The following ZNF93 variants were observed in gnomAD, a reference collection of about 807,000 sequenced individuals.
ZNF93 encodes the protein zinc finger protein 93.
A neutral mutation model predicts 45.0 loss-of-function variants in ZNF93; 29 were observed. The observed-to-expected ratio is 0.64, with a 90% CI of 0.48 to 0.88. ZNF93 has a LOEUF of 0.88. Among genes scored for constraint, ZNF93 ranks in the 40% least tolerant of loss-of-function variants. ZNF93 has a pLI of 0.00. For synonymous variants in ZNF93, 223 were observed against 244.6 expected, an observed-to-expected ratio of 0.91 and a Z score of 0.82; for missense variants, 578 against 724.0, an observed-to-expected ratio of 0.80 and a Z score of 2.31.
At chr19:19,914,757 AG>A (rs2063318594) in intron 1 of ZNF93, 1 of 371,394 alleles carries the variant, frequency 2.7e-6, no homozygotes, top group South Asian at 2.0e-5. Flanking sequence ...GGAAAAACAC[AG>A]GCTCTTCCAC....
Position 19,916,591 on chromosome 19 carries a change from C to A in ZNF93, c.162C>A (p.Ala54=). The A allele has an allele frequency of 6.2e-7, 1 of 1,611,834 alleles. No homozygotes were observed. The highest frequency in any genetic ancestry group is 8.5e-7 in the Non-Finnish European group (1 of 1,179,140). The part of the protein sequence containing the change: ...GIVVSKPDLI[A]HLEQGKKPLT... ...TTGTCTCTAAGCCAGACCTGATCGCCCATCTGGAGCAAGGAAAAAAACCTT... is the reference window on the plus strand; with the variant it reads ...TTGTCTCTAAGCCAGACCTGATCGCACATCTGGAGCAAGGAAAAAAACCTT... The change falls in exon 3 of 4, where the codon GCC becomes GCA. Residue 54 remains alanine, a synonymous_variant. Coordinates refer to ENST00000343769, the MANE Select transcript of ZNF93 (RefSeq NM_031218.4).
intron 3 of ZNF93, among the ~76,000 whole-genome samples, chr19:19,926,575 CG>C (rs2063356856): frequency 6.7e-6 from 1 of 150,282 alleles, no homozygotes; most frequent in African/African-American, 2.5e-5. Flanking sequence ...CCTCTGCCTC[CG>C]GGGTTCAAGG....
chr19:19,911,393 T>C (rs1035944335), intron 1 of ZNF93, among the ~76,000 whole-genome samples: 7 of 152,230 alleles, frequency 4.6e-5, no homozygotes, highest in Non-Finnish European at 1.0e-4. Context: ...AAATGAGTCA[T>C]CCTGTGTTTG....
intron 3 of ZNF93, among the ~76,000 whole-genome samples, chr19:19,919,786 T>G (rs2122180562): frequency 6.6e-6 from 1 of 152,358 alleles, no homozygotes; most frequent in Non-Finnish European, 1.5e-5. Context: ...ATGCTTGTGA[T>G]TTTTTCACAT....
intron 1 of ZNF93, among the ~76,000 whole-genome samples, chr19:19,907,313 A>G (rs1204178026): frequency 6.6e-6 from 1 of 152,208 alleles, no homozygotes; most frequent in Non-Finnish European, 1.5e-5. Flanking sequence ...CGAATGATAA[A>G]GACTAAAAGA....
In ZNF93 at chr19:19,933,306, T is replaced by C. The variant is rs769653872; in HGVS notation, c.351T>C (p.Cys117=). 1 of 1,612,636 alleles carries C rather than the reference T, an allele frequency of 6.2e-7. No individual in the cohort carries two copies. The highest frequency in any genetic ancestry group is 8.5e-7 in the Non-Finnish European group (1 of 1,179,298). Residue 117 remains cysteine, a synonymous_variant, in exon 4 of 4, where the codon TGT becomes TGC. Transcript: ENST00000343769. Reference sequence around the variant, plus strand: ...GAAATTTACAGTTAATAAAAAGGTGTGAAAGTGTAGATGAGTGTAAGGTGC... The same window carrying C: ...GAAATTTACAGTTAATAAAAAGGTGCGAAAGTGTAGATGAGTGTAAGGTGC... ...GHGNLQLIKR[C]ESVDECKVHT...
At chr19:19,904,031 CCT>C (rs2063285119) in intron 1 of ZNF93, among the ~76,000 whole-genome samples, 1 of 149,780 alleles carries the variant, frequency 6.7e-6, no homozygotes, top group African/African-American at 2.5e-5. Context: ...TGCACTCCAG[CCT>C]GGGCAACAGA....
chr19:19,909,747 A>G (rs2063302587), intron 1 of ZNF93, among the ~76,000 whole-genome samples: 1 of 152,246 alleles, frequency 6.6e-6, no homozygotes, highest in Non-Finnish European at 1.5e-5. Flanking sequence ...TAGAATTACC[A>G]GACATGATAT....
At chr19:19,915,888 C>A (rs1254656340) in intron 2 of ZNF93, among the ~76,000 whole-genome samples, 1 of 152,024 alleles carries the variant, frequency 6.6e-6, no homozygotes, top group African/African-American at 2.4e-5. Context: ...TTAATCCAAT[C>A]TTTCCACATT....
intron 1 of ZNF93, among the ~76,000 whole-genome samples, chr19:19,910,178 A>G (rs2063303727): frequency 6.6e-6 from 1 of 152,136 alleles, no homozygotes; most frequent in Admixed American, 6.6e-5. Context: ...TTCAGGCCCT[A>G]AACTTGAAGC....
chr19:19,921,080 G>T (rs2063341424), intron 3 of ZNF93, among the ~76,000 whole-genome samples: 1 of 152,146 alleles, frequency 6.6e-6, no homozygotes, highest in Non-Finnish European at 1.5e-5. Flanking sequence ...TGGGCATTTA[G>T]TGCTATAAAT....
intron 3 of ZNF93, among the ~76,000 whole-genome samples, chr19:19,920,920 G>GT (rs2063341087): frequency 2.0e-5 from 3 of 152,152 alleles, no homozygotes; most frequent in Admixed American, 1.3e-4. Flanking sequence ...TTTTTGAAGA[G>GT]TTTTTTGTGT....
At chr19:19,912,531 A>G (rs184060855) in intron 1 of ZNF93, among the ~76,000 whole-genome samples, 3 of 152,344 alleles carry the variant, frequency 2.0e-5, no homozygotes, top group Non-Finnish European at 4.4e-5. Flanking sequence ...TATTAAAACC[A>G]GTGCTTGCAG....
chr19:19,918,102 C>T (rs1001713036), intron 3 of ZNF93, among the ~76,000 whole-genome samples: 76 of 150,736 alleles, frequency 5.0e-4, no homozygotes, highest in African/African-American at 1.5e-3. Flanking sequence ...CCTCCCCCGT[C>T]CCCCCACCCC....
At chr19:19,901,898 T>C (rs1327382715) in intron 1 of ZNF93, among the ~76,000 whole-genome samples, 1 of 152,134 alleles carries the variant, frequency 6.6e-6, no homozygotes, top group Non-Finnish European at 1.5e-5. Flanking sequence ...TAGGCCAGCC[T>C]GGCCAACATA....
chr19:19,915,545 T>A (rs1038727606), intron 2 of ZNF93, 139 bp downstream of exon 2: 22 of 1,264,680 alleles, frequency 1.7e-5, no homozygotes, highest in Non-Finnish European at 2.3e-5. Flanking sequence ...TCAGAATTTG[T>A]TCATTTAGAA....
chr19:19,912,328 C>T (rs1481427683), intron 1 of ZNF93, among the ~76,000 whole-genome samples: 1 of 151,492 alleles, frequency 6.6e-6, no homozygotes, highest in Admixed American at 6.6e-5. Context: ...CAGATTCATC[C>T]TTTTTGGAGA....
At chr19:19,933,124 A>C (rs113872325) in intron 3 of ZNF93, 58 bp from the exon 4 acceptor site, 1 of 1,313,266 alleles carries the variant, frequency 7.6e-7, no homozygotes, top group Admixed American at 2.6e-5. Flanking sequence ...TTAGATTTGT[A>C]AAGTATATTT....
chr19:19,925,242 A>G (rs1314849206), intron 3 of ZNF93, among the ~76,000 whole-genome samples: 4 of 152,138 alleles, frequency 2.6e-5, no homozygotes, highest in African/African-American at 9.7e-5. Flanking sequence ...CTTTAACAGC[A>G]TTTCACAACT....
Sources: gnomAD v4.1 joint callset for allele counts (sites outside exome capture counted in the v4.1 genomes callset) on GRCh38, gnomAD v4.1.1 for gene constraint, MANE v1.5 for transcripts, NCBI Gene and HGNC (gene_info 2026-07-23, HGNC 2026-07-21) for gene names.